The following BPIFB2 variants were observed in gnomAD, a reference collection of about 807,000 sequenced individuals.
BPIFB2 encodes BPI fold containing family B member 2.
Under a neutral mutation model 50.1 loss-of-function variants are expected in BPIFB2, and 39 were observed. The ratio of observed to expected loss-of-function variants is 0.78; its 90% confidence interval spans 0.60 to 1.02. The LOEUF (loss-of-function observed/expected upper bound fraction) is 1.02. Among genes scored for constraint, BPIFB2 ranks in the 50% least tolerant of loss-of-function variants. The probability of loss-of-function intolerance (pLI) is 0.00; values close to 1 mark genes in which losing one functional copy is unlikely to be tolerated. For synonymous variants in BPIFB2, 280 were observed against 256.3 expected (o/e 1.09, Z -0.88); for missense variants, 574 against 585.8 (o/e 0.98, Z 0.21).
chr20:33,013,803 C>T lies in BPIFB2; in HGVS notation c.309-7C>T, dbSNP rs762506571. 6.8e-6 allele frequency: 11 copies of T among 1,611,620 alleles called. No homozygotes were observed. Among genetic ancestry groups the T allele is most frequent in the Non-Finnish European group, 9.3e-6 (11 of 1,179,252 alleles). On this transcript the variant is annotated splice_region_variant and splice_polypyrimidine_tract_variant and intron_variant, in intron 4 of 15. Transcript: ENST00000170150. ...GCTGCTCGGGCTCAGGACTGGCATC[C>T]CTACAGCGCCCCAGAGCCCCTGGAG...
intron 3 of BPIFB2, 147 bp downstream of exon 3, chr20:33,011,264 C>A: frequency 1.4e-6 from 1 of 690,176 alleles, no homozygotes; most frequent in Non-Finnish European, 2.4e-6. Flanking sequence ...TCCAGTCCAC[C>A]AGATGAGCAC....
intron 7 of BPIFB2, among the ~76,000 whole-genome samples, chr20:33,017,947 C>A (rs1464301758): frequency 6.6e-6 from 1 of 152,172 alleles, no homozygotes; most frequent in African/African-American, 2.4e-5. Context: ...ATATTTGTGC[C>A]TGGACTGGGC....
chr20:33,022,532 G>A (rs184623082), intron 15 of BPIFB2, among the ~76,000 whole-genome samples: 67 of 152,290 alleles, frequency 4.4e-4, no homozygotes, highest in African/African-American at 1.6e-3. Flanking sequence ...GCAGTTAGTG[G>A]CTGACCCACC....
chr20:33,023,276 G>A (rs1978744481), intron 15 of BPIFB2, 66 bp from the exon 16 acceptor site: 23 of 1,509,732 alleles, frequency 1.5e-5, no homozygotes, highest in South Asian at 1.1e-5. Context: ...GAGCCAGGCT[G>A]AGGGGGCGGC....
In BPIFB2 at chr20:33,015,416, T is replaced by C; in HGVS notation, c.456-20T>C. On this transcript the variant is annotated intron_variant, in intron 5 of 15. Transcript: ENST00000170150. The stretch of plus-strand genomic sequence containing the variant: ...AATATGTTTGGGAGCCCAGGAACTC[T>C]TTCTGTGTTTCTCCCTCAGCACCTC... The C allele has an allele frequency of 6.2e-7, 1 of 1,608,378 alleles. No individual in the cohort carries two copies. Among genetic ancestry groups the C allele is most frequent in the Non-Finnish European group, 8.5e-7 (1 of 1,176,540 alleles).
chr20:33,012,410 G>A (rs992756081), intron 3 of BPIFB2, among the ~76,000 whole-genome samples: 6 of 152,190 alleles, frequency 3.9e-5, no homozygotes, highest in Non-Finnish European at 7.3e-5. Context: ...AAGTGGGGGA[G>A]CTTCTGTTGC....
intron 13 of BPIFB2, 129 bp downstream of exon 13, chr20:33,020,716 CG>C: frequency 8.9e-7 from 1 of 1,120,898 alleles, no homozygotes; most frequent in Non-Finnish European, 1.2e-6. Context: ...CAGGCTTCCC[CG>C]GGCTGCTTGG....
rs55809799 is a variant in BPIFB2, at chr20:33,010,753, T to C, written c.110-271T>C. On this transcript the variant is annotated intron_variant, in intron 2 of 15. Transcript: ENST00000170150. Reference sequence around the variant, plus strand: ...CCTTGCAAGAGGGCAAAGGATTTTGTTGCTTTTGAAGGACGGGGTAAATCA... The same window carrying C: ...CCTTGCAAGAGGGCAAAGGATTTTGCTGCTTTTGAAGGACGGGGTAAATCA... 8.2e-3 allele frequency among the ~76,000 whole-genome samples: 1,246 copies of C among 152,156 alleles called. 18 individuals carry two copies. Among genetic ancestry groups the C allele is most frequent in the African/African-American group, 0.028 (1,177 of 41,488 alleles).
Position 33,019,569 on chromosome 20 carries a change from TG to T in BPIFB2, c.910-10del. 2 of 1,576,046 alleles carry T rather than the reference TG, an allele frequency of 1.3e-6. No homozygotes were observed. Among genetic ancestry groups the T allele is most frequent in the Non-Finnish European group, 1.7e-6 (2 of 1,157,924 alleles). On this transcript the variant is annotated splice_polypyrimidine_tract_variant and intron_variant, in intron 10 of 15. Transcript: ENST00000170150. Reference sequence around the variant, plus strand: ...GCCTCAGCAGGGCCTCCTCCGCCTCTGCCTCCCCAGGTGGCCCGCCAGTTTC... The same window carrying T: ...GCCTCAGCAGGGCCTCCTCCGCCTCTCCTCCCCAGGTGGCCCGCCAGTTTC...
chr20:33,008,808 C>T (rs554968609), intron 2 of BPIFB2, 125 bp downstream of exon 2: 6 of 770,086 alleles, frequency 7.8e-6, no homozygotes, highest in East Asian at 6.0e-5. Flanking sequence ...GAAGTTGTGT[C>T]CCTGGCACCC....
chr20:33,012,984 A>G (rs1235251793), intron 4 of BPIFB2, 77 bp downstream of exon 4: 5 of 1,228,626 alleles, frequency 4.1e-6, no homozygotes, highest in Admixed American at 1.7e-5. Flanking sequence ...GACGGGGGGT[A>G]GCAACTCCTC....
At chr20:33,021,614 A>G (rs1219812839) in intron 14 of BPIFB2, 109 bp from the exon 15 acceptor site, 3 of 1,159,330 alleles carry the variant, frequency 2.6e-6, no homozygotes, top group Non-Finnish European at 3.9e-6. Flanking sequence ...TATAACAATA[A>G]TGGCATCCAT....
intron 2 of BPIFB2, 143 bp downstream of exon 2, chr20:33,008,826 G>A: frequency 1.5e-6 from 1 of 656,166 alleles, no homozygotes; most frequent in Non-Finnish European, 2.5e-6. Context: ...CCCAGACAGT[G>A]CCTGACACAT....
rs779803267 is a variant in BPIFB2 at position 33,015,438 on chromosome 20, C to T, written c.458C>T (p.Thr153Ile). ...CTCTTTCTGTGTTTCTCCCTCAGCA[C>T]CTCCCACGCGCTGCTGGTCCTGGTG... ...HANEFDGSNS[T>I]SHALLVLVQK... is the part of the protein sequence containing the mutation. Residue 153 changes from threonine to isoleucine, a missense_variant and splice_region_variant, in exon 6 of 16, where the codon ACC becomes ATC. Physicochemically the swap from Thr to Ile is moderately conservative, Grantham distance 89. Transcript: ENST00000170150. The T allele has an allele frequency of 7.4e-6, 12 of 1,612,782 alleles. No individual in the cohort carries two copies. The Admixed American group carries it at 1.3e-4, about 18-fold the overall frequency.
At chr20:33,017,021 C>T (rs977878956) in intron 6 of BPIFB2, 21 bp from the exon 7 acceptor site, 1 of 1,613,216 alleles carries the variant, frequency 6.2e-7, no homozygotes, top group Non-Finnish European at 8.5e-7. Flanking sequence ...CCCCAGCCTC[C>T]TTCTCTCTGT....
chr20:33,014,746 G>A (rs1197865913), intron 5 of BPIFB2, among the ~76,000 whole-genome samples: 2 of 152,236 alleles, frequency 1.3e-5, no homozygotes, highest in African/African-American at 2.4e-5. Context: ...GGATGTGGCT[G>A]CGTAAACCCA....
Position 33,023,609 on chromosome 20 carries a change from C to T in BPIFB2, c.*226C>T, listed in dbSNP as rs1474968317. On this transcript the variant is annotated 3_prime_UTR_variant, in exon 16 of 16. Coordinates refer to ENST00000170150, the MANE Select transcript of BPIFB2 (RefSeq NM_025227.3). ...TCCTCCCTCTTCCCTCATCTCCCCCCTCCTTCCTCTGCCCCACCCCAGCGG... is the reference window on the plus strand; with the variant it reads ...TCCTCCCTCTTCCCTCATCTCCCCCTTCCTTCCTCTGCCCCACCCCAGCGG... 7 of 617,610 alleles carry T rather than the reference C, an allele frequency of 1.1e-5. No homozygotes were observed. Among genetic ancestry groups the T allele is most frequent in the African/African-American group, 3.7e-5 (2 of 54,534 alleles). The allele number at this position is 617,610 out of a possible 1,614,324, so 38.3% of individuals were successfully genotyped here. A position where few individuals can be genotyped will look rare whatever the true frequency, so the allele number is the denominator to read the frequency against.
intron 4 of BPIFB2, 143 bp downstream of exon 4, chr20:33,013,050 C>T (rs146634710): frequency 1.8e-4 from 117 of 641,432 alleles, no homozygotes; most frequent in African/African-American, 1.2e-3. Flanking sequence ...TCTCCCCTCA[C>T]GCTTGGAGGG....
At chr20:33,019,191 T>G in intron 10 of BPIFB2, 76 bp downstream of exon 10, 2 of 1,555,240 alleles carry the variant, frequency 1.3e-6, no homozygotes, top group Non-Finnish European at 1.8e-6. Flanking sequence ...ATGGGATCTC[T>G]GCTGGCTCTT....
Sources: gnomAD v4.1 joint callset for allele counts (sites outside exome capture counted in the v4.1 genomes callset) on GRCh38, gnomAD v4.1.1 for gene constraint, MANE v1.5 for transcripts, NCBI Gene and HGNC (gene_info 2026-07-23, HGNC 2026-07-21) for gene names.